Variants in MEAF6 observed in about 807,000 individuals in gnomAD.
The protein encoded by MEAF6 is MYST/Esa1 associated factor 6.
MEAF6 carries 15 observed loss-of-function variants against 28.9 expected under a neutral mutation model. The ratio of observed to expected loss-of-function variants is 0.52; its 90% CI spans 0.35 to 0.80. MEAF6 has a LOEUF of 0.80. Ranked by LOEUF, MEAF6 falls within the 30% of genes least tolerant of loss-of-function variation. The pLI, the probability that MEAF6 is intolerant of heterozygous loss-of-function variation, is 0.01. For synonymous variants in MEAF6, 97 were observed against 88.7 expected, an observed-to-expected ratio of 1.09 and a Z score of -0.53; for missense variants, 178 against 237.5, an observed-to-expected ratio of 0.75 and a Z score of 1.65.
Position 37,493,258 on chromosome 1 carries a change from T to A in MEAF6, c.*841A>T, listed in dbSNP as rs963611311. On this transcript the variant is annotated 3_prime_UTR_variant, in exon 7 of 7. Coordinates refer to ENST00000296214, the MANE Select transcript of MEAF6 (RefSeq NM_001270875.3). The stretch of plus-strand genomic sequence containing the variant: ...AAAAAGAAATTTCCATAAGGCATGA[T>A]ATGAATAAATAAGTGAAAAAACAAT... 1 of 152,828 alleles carries A rather than the reference T, an allele frequency of 6.5e-6. No individual in the cohort carries two copies. The highest frequency in any genetic ancestry group is 1.5e-5 in the Non-Finnish European group (1 of 68,468). 9.5% of individuals were successfully genotyped at this position (152,828 alleles called of 1,614,324 possible).
At chr1:37,495,704 C>CAAAAAA (rs1217893546) in intron 6 of MEAF6, among the ~76,000 whole-genome samples, 181 bp downstream of exon 6, 1 of 64,498 alleles carries the variant, frequency 1.6e-5, no homozygotes, top group African/African-American at 5.5e-5. Flanking sequence ...AAACAAAAAA[C>CAAAAAA]AAAAAAAAAA....
In MEAF6 at chr1:37,492,621, G is replaced by A. The variant is rs1208115924; in HGVS notation, c.*1478C>T. ...TTTGAGAACAAGAGTGAAAGCTTTT[G>A]CACATCTGACAAGGTAGACTTGTTT... On this transcript the variant is annotated 3_prime_UTR_variant, in exon 7 of 7. Coordinates refer to ENST00000296214, the MANE Select transcript of MEAF6 (RefSeq NM_001270875.3). 6.9e-6 allele frequency: 1 copy of A among 145,660 alleles called. No individual in the cohort carries two copies. The highest frequency in any genetic ancestry group is 1.5e-5 in the Non-Finnish European group (1 of 67,016). 9.0% of individuals were successfully genotyped at this position (145,660 alleles called of 1,614,324 possible). A position where few individuals can be genotyped will look rare whatever the true frequency, so the allele number is the denominator to read the frequency against.
At position 37,509,829 on chromosome 1, in the gene MEAF6, T is replaced by C. The variant is rs142331714; in HGVS notation, c.207-287A>G. 2.3e-3 allele frequency among the ~76,000 whole-genome samples: 350 copies of C among 152,284 alleles called. 1 individual carries two copies. Among genetic ancestry groups the C allele is most frequent in the African/African-American group, 7.9e-3 (327 of 41,552 alleles). On this transcript the variant is annotated intron_variant, in intron 2 of 6. Coordinates refer to ENST00000296214, the MANE Select transcript of MEAF6 (RefSeq NM_001270875.3). ...TCTTGCTCTGTCGCCTACGCTGGAG[T>C]GCAATGGCAGAATCTCAGCTCATTG...
chr1:37,496,569 T>TA (rs1569954823), intron 5 of MEAF6: 145 of 1,428,636 alleles, frequency 1.0e-4, no homozygotes, highest in South Asian at 4.0e-4. Flanking sequence ...TTTCTGTTTT[T>TA]AAAAAAAACT....
At chr1:37,494,959 C>A (rs1488169954) in intron 6 of MEAF6, among the ~76,000 whole-genome samples, 1 of 151,952 alleles carries the variant, frequency 6.6e-6, no homozygotes, top group East Asian at 1.9e-4. Context: ...TATTAGAGCA[C>A]CTGAATTCAC....
intron 6 of MEAF6, among the ~76,000 whole-genome samples, chr1:37,494,629 G>A (rs539334699): frequency 2.6e-5 from 4 of 151,920 alleles, no homozygotes; most frequent in Non-Finnish European, 4.4e-5. Context: ...TCAGGAGCTC[G>A]AGACCAGCCT....
chr1:37,510,647 G>A (rs1642639327), intron 2 of MEAF6, among the ~76,000 whole-genome samples: 1 of 152,158 alleles, frequency 6.6e-6, no homozygotes, highest in South Asian at 2.1e-4. Flanking sequence ...CTTCCAAAGT[G>A]CTGGGATTAC....
At chr1:37,506,463 C>G (rs1008641207) in intron 4 of MEAF6, among the ~76,000 whole-genome samples, 4 of 152,182 alleles carry the variant, frequency 2.6e-5, no homozygotes, top group Non-Finnish European at 4.4e-5. Context: ...CCTTGACCTC[C>G]TGGGTTCAAG....
intron 4 of MEAF6, among the ~76,000 whole-genome samples, chr1:37,505,615 A>G (rs1642455953): frequency 6.6e-6 from 1 of 152,222 alleles, no homozygotes; most frequent in Non-Finnish European, 1.5e-5. Flanking sequence ...CTATGAAGCT[A>G]TTATACAAAA....
At chr1:37,498,650 C>T (rs67650761) in intron 5 of MEAF6, among the ~76,000 whole-genome samples, 51,597 of 150,986 alleles carry the variant, frequency 0.34, 9,155 homozygotes, top group Admixed American at 0.41. Flanking sequence ...CGGCTGGTCT[C>T]GAACTCCTAG....
chr1:37,509,196 G>T, intron 4 of MEAF6, 82 bp downstream of exon 4: 3 of 1,240,874 alleles, frequency 2.4e-6, no homozygotes, highest in Non-Finnish European at 3.5e-6. Context: ...GCAGTCCTCA[G>T]ATACACAATT....
At chr1:37,514,606 CG>C in intron 1 of MEAF6, 50 bp downstream of exon 1, 3 of 1,388,000 alleles carry the variant, frequency 2.2e-6, no homozygotes. Context: ...GGCCTGGAGG[CG>C]GGGCGGGCGC....
At chr1:37,496,634 GA>G in intron 5 of MEAF6, 1 of 1,553,590 alleles carries the variant, frequency 6.4e-7, no homozygotes, top group Admixed American at 1.9e-5. Flanking sequence ...CTATGGGTTA[GA>G]AAGGTCTCAA....
rs34785696 is a variant in MEAF6, at chr1:37,510,381, A to ATTT, written c.207-842_207-840dup. Among the ~76,000 whole-genome samples the ATTT allele has an allele frequency of 4.7e-3, 450 of 94,946 alleles. 18 individuals are homozygous for ATTT. Among genetic ancestry groups the ATTT allele is most frequent in the Middle Eastern group, 0.011 (1 of 94 alleles). 62.3% of individuals were successfully genotyped at this position (94,946 alleles called of 152,430 possible). On this transcript the variant is annotated intron_variant, in intron 2 of 6. Transcript: ENST00000296214. ...CAGGCATGAGCCACTGCACCTAGCC[A>ATTT]TTTTTTTTTTTTTTTTTTTTTTGAG...
Position 37,493,566 on chromosome 1 carries a change from C to T in MEAF6, c.*533G>A, listed in dbSNP as rs899308480. 1.8e-6 allele frequency: 1 copy of T among 563,414 alleles called. No homozygotes were observed. Among genetic ancestry groups the T allele is most frequent in the African/African-American group, 1.9e-5 (1 of 51,310 alleles). 34.9% of individuals were successfully genotyped at this position (563,414 alleles called of 1,614,324 possible). A position where few individuals can be genotyped will look rare whatever the true frequency, so the allele number is the denominator to read the frequency against. On this transcript the variant is annotated 3_prime_UTR_variant, in exon 7 of 7. Coordinates refer to ENST00000296214, the MANE Select transcript of MEAF6 (RefSeq NM_001270875.3). ...TTGGCAACTGCATGAAAGAGATGAT[C>T]AGATATGTCAGCAGGAAAGTATGAG...
chr1:37,504,808 C>T (rs1013066663), intron 4 of MEAF6, among the ~76,000 whole-genome samples: 6 of 148,024 alleles, frequency 4.1e-5, no homozygotes, highest in African/African-American at 7.6e-5. Context: ...TATACACACA[C>T]ACACACACAC....
chr1:37,506,739 G>A (rs750142291), intron 4 of MEAF6, among the ~76,000 whole-genome samples: 1 of 152,066 alleles, frequency 6.6e-6, no homozygotes, highest in Admixed American at 6.6e-5. Flanking sequence ...ACTCAGGCTG[G>A]AGTGTCATGG....
chr1:37,502,067 A>T (rs1393749409), intron 4 of MEAF6, 71 bp from the exon 5 acceptor site: 1 of 1,325,592 alleles, frequency 7.5e-7, no homozygotes, highest in Non-Finnish European at 1.0e-6. Context: ...CATCAACATG[A>T]ACACTAATAG....
chr1:37,497,576 G>A (rs991631936), intron 5 of MEAF6, among the ~76,000 whole-genome samples: 33 of 149,836 alleles, frequency 2.2e-4, no homozygotes, highest in African/African-American at 7.6e-4. Context: ...TGCAGCACCC[G>A]TATTTATTTA....
Sources: gnomAD v4.1 joint callset for allele counts (sites outside exome capture counted in the v4.1 genomes callset) on GRCh38, gnomAD v4.1.1 for gene constraint, MANE v1.5 for transcripts, NCBI Gene and HGNC (gene_info 2026-07-23, HGNC 2026-07-21) for gene names.